The following KLHL5 variants were observed in gnomAD, a reference collection of about 807,000 sequenced individuals.
KLHL5 encodes the protein kelch-like protein 5.
KLHL5 carries 48 observed loss-of-function variants against 77.7 expected under a neutral mutation model. The ratio of observed to expected loss-of-function variants is 0.62; its 90% CI spans 0.49 to 0.79. The LOEUF (loss-of-function observed/expected upper bound fraction) is 0.79, where lower values mean the gene tolerates loss of function less well. Among genes scored for constraint, KLHL5 ranks in the 30% least tolerant of loss-of-function variants. KLHL5 has a pLI of 0.00. For missense variants in KLHL5, 723 were observed against 859.7 expected (o/e 0.84, Z 1.99); for synonymous variants, 260 against 297.0 (o/e 0.88, Z 1.28).
chr4:39,060,056 A>C (rs1226110396), upstream of KLHL5, among the ~76,000 whole-genome samples: 1 of 152,228 alleles, frequency 6.6e-6, no homozygotes, highest in Non-Finnish European at 1.5e-5. Flanking sequence ...GCCCATTAGC[A>C]GGGAGATAGT....
downstream of KLHL5, chr4:39,126,828 C>A: frequency 2.4e-6 from 1 of 422,676 alleles, no homozygotes. Context: ...GCATCTTGTA[C>A]TAGGCTTCTT....
chr4:39,059,173 T>C (rs901628858), upstream of KLHL5, among the ~76,000 whole-genome samples: 1 of 152,176 alleles, frequency 6.6e-6, no homozygotes, highest in Non-Finnish European at 1.5e-5. Flanking sequence ...AAAAAAAGTG[T>C]TATTTAAGTG....
chr4:39,075,886 G>A (rs1160626841), intron 1 of KLHL5, 79 bp from the exon 2 acceptor site: 1 of 1,136,240 alleles, frequency 8.8e-7, no homozygotes. Context: ...ACATTTGAAG[G>A]CTTTCAAAAG....
the KLHL5 span, among the ~76,000 whole-genome samples, chr4:39,132,771 G>A: frequency 6.6e-6 from 1 of 152,156 alleles, no homozygotes; most frequent in Non-Finnish European, 1.5e-5. Context: ...CACAATTTTA[G>A]TACATTTCTC....
the KLHL5 span, among the ~76,000 whole-genome samples, chr4:39,137,211 A>G: frequency 6.6e-6 from 1 of 152,136 alleles, no homozygotes; most frequent in Admixed American, 6.6e-5. Context: ...AGATAAGTAG[A>G]CAGATATAGA....
chr4:39,075,986 A>G lies in KLHL5; in HGVS notation c.405A>G (p.Thr135=). ...SSCRTSNSSQ[T]LSSCHTMEPC... The stretch of plus-strand genomic sequence containing the variant: ...TCAGGACTTCCAATAGTAGTCAGAC[A>G]TTATCATCCTGTCATACTATGGAGC... The change falls in exon 2 of 11, where the codon ACA becomes ACG. Residue 135 remains threonine (T), a synonymous_variant. Coordinates refer to ENST00000504108, the MANE Select transcript of KLHL5 (RefSeq NM_015990.5). 1 of 1,611,170 alleles carries G rather than the reference A, an allele frequency of 6.2e-7. No individual in the cohort carries two copies. The highest frequency in any genetic ancestry group is 8.5e-7 in the Non-Finnish European group (1 of 1,179,124).
intron 4 of KLHL5, among the ~76,000 whole-genome samples, chr4:39,082,747 A>G (rs1332506640): frequency 6.6e-6 from 1 of 152,232 alleles, no homozygotes; most frequent in Non-Finnish European, 1.5e-5. Flanking sequence ...GTGTACCTGT[A>G]TGACAAACCT....
At chr4:39,091,203 A>G (rs1288807768) in intron 5 of KLHL5, among the ~76,000 whole-genome samples, 2 of 151,062 alleles carry the variant, frequency 1.3e-5, no homozygotes, top group African/African-American at 4.9e-5. Context: ...TGGCCAGGCT[A>G]GTCTTGAACT....
chr4:39,052,657 G>C (rs917030671), intron 1 of KLHL5, among the ~76,000 whole-genome samples: 1 of 152,190 alleles, frequency 6.6e-6, no homozygotes, highest in African/African-American at 2.4e-5. Context: ...AATAAGAGAG[G>C]ATTTAGACTT....
intron 5 of KLHL5, 128 bp from the exon 6 acceptor site, chr4:39,096,563 TA>T: frequency 1.6e-6 from 1 of 623,478 alleles, no homozygotes; most frequent in Non-Finnish European, 2.8e-6. Context: ...ATATTTTAGT[TA>T]AAAATATGTG....
intron 6 of KLHL5, among the ~76,000 whole-genome samples, chr4:39,101,062 G>T (rs559833203): frequency 1.4e-5 from 2 of 146,264 alleles, no homozygotes; most frequent in East Asian, 4.0e-4. Context: ...AATTAGGGAA[G>T]TCCCAAGCAT....
At chr4:39,093,863 G>GCCA (rs1384257327) in intron 5 of KLHL5, among the ~76,000 whole-genome samples, 1 of 151,400 alleles carries the variant, frequency 6.6e-6, no homozygotes, top group East Asian at 1.9e-4. Context: ...CTGAGATTGC[G>GCCA]CCACCACACT....
chr4:39,120,782 G>T (rs1723156360), intron 10 of KLHL5, among the ~76,000 whole-genome samples: 1 of 152,194 alleles, frequency 6.6e-6, no homozygotes, highest in African/African-American at 2.4e-5. Context: ...AAAGAAGAAT[G>T]AATGCTACAC....
chr4:39,135,760 C>T, the KLHL5 span, among the ~76,000 whole-genome samples: 28 of 151,924 alleles, frequency 1.8e-4, no homozygotes, highest in Admixed American at 1.6e-3. Flanking sequence ...AAAAATTAGC[C>T]GGACGTGTTG....
chr4:39,112,858 C>G, intron 8 of KLHL5, 162 bp from the exon 9 acceptor site: 1 of 623,070 alleles, frequency 1.6e-6, no homozygotes, highest in Non-Finnish European at 2.8e-6. Context: ...TTACATGTGT[C>G]ATTTCAAACA....
chr4:39,062,613 T>G lies in KLHL5; in HGVS notation c.-40T>G. The G allele has an allele frequency of 6.2e-7, 1 of 1,614,142 alleles. No homozygotes were observed. The highest frequency in any genetic ancestry group is 8.5e-7 in the Non-Finnish European group (1 of 1,180,020). On this transcript the variant is annotated 5_prime_UTR_variant, in exon 1 of 11. Transcript: ENST00000504108. Reference sequence around the variant, plus strand: ...GATGCACAAATCTGTGTGCAGTGCTTTTTGCCCGTTGCCTAGACGATCACT... The same window carrying G: ...GATGCACAAATCTGTGTGCAGTGCTGTTTGCCCGTTGCCTAGACGATCACT...
chr4:39,088,831 G>T (rs998914469), intron 5 of KLHL5, among the ~76,000 whole-genome samples: 2 of 152,144 alleles, frequency 1.3e-5, no homozygotes, highest in Admixed American at 1.3e-4. Flanking sequence ...TCATCATGAA[G>T]TCATGAGCAA....
chr4:39,115,059 T>C, intron 9 of KLHL5, 100 bp from the exon 10 acceptor site: 2 of 996,298 alleles, frequency 2.0e-6, no homozygotes, highest in Non-Finnish European at 3.0e-6. Flanking sequence ...TTTGATTACA[T>C]AGTAGATAAT....
At chr4:39,060,110 C>T (rs951127126), upstream of KLHL5, among the ~76,000 whole-genome samples, 1 of 151,906 alleles carries the variant, frequency 6.6e-6, no homozygotes, top group African/African-American at 2.4e-5. Flanking sequence ...TCATGTAACT[C>T]TTAAAAAGAT....
Sources: gnomAD v4.1 joint callset for allele counts (sites outside exome capture counted in the v4.1 genomes callset) on GRCh38, gnomAD v4.1.1 for gene constraint, MANE v1.5 for transcripts, NCBI Gene and HGNC (gene_info 2026-07-23, HGNC 2026-07-21) for gene names.